The following PLXDC1 variants were observed in gnomAD, a reference collection of about 807,000 sequenced individuals.
PLXDC1 encodes plexin domain containing 1, also known as plexin domain-containing protein 1.
In PLXDC1, 39 loss-of-function variants were observed where a neutral mutation model predicts 61.3. The ratio of observed to expected loss-of-function variants is 0.64; its 90% CI spans 0.49 to 0.83. PLXDC1 has a LOEUF of 0.83. Ranked by LOEUF, PLXDC1 falls within the 40% of genes least tolerant of loss-of-function variation. PLXDC1 has a pLI of 0.00. For missense variants in PLXDC1, 596 were observed against 666.5 expected, an observed-to-expected ratio of 0.89 and a Z score of 1.17; for synonymous variants, 212 against 254.5, an observed-to-expected ratio of 0.83 and a Z score of 1.59.
At chr17:39,141,325 G>A (rs71369718) in intron 1 of PLXDC1, among the ~76,000 whole-genome samples, 3,001 of 152,320 alleles carry the variant, frequency 0.02, 93 homozygotes, top group African/African-American at 0.068. Context: ...GAGCCACAGC[G>A]CGCAGCCTGT....
At chr17:39,106,196 AC>A (rs1239797707) in intron 6 of PLXDC1, among the ~76,000 whole-genome samples, 1 of 150,072 alleles carries the variant, frequency 6.7e-6, no homozygotes, top group African/African-American at 2.5e-5. Context: ...CCCGGGACAT[AC>A]CCTTTTCCCT....
At chr17:39,069,831 C>A in intron 13 of PLXDC1, 25 bp downstream of exon 13, 1 of 1,600,764 alleles carries the variant, frequency 6.2e-7, no homozygotes, top group Non-Finnish European at 8.6e-7. Flanking sequence ...CAGACAGGAG[C>A]CCTGTGGCCA....
At chr17:39,095,912 GCCTCGGC>G (rs1910177268) in intron 7 of PLXDC1, among the ~76,000 whole-genome samples, 1 of 152,082 alleles carries the variant, frequency 6.6e-6, no homozygotes, top group African/African-American at 2.4e-5. Context: ...CGATCCACCC[GCCTCGGC>G]CTCTCAAAGT....
intron 7 of PLXDC1, chr17:39,097,057 C>G (rs1910235716): frequency 4.3e-6 from 2 of 468,202 alleles, no homozygotes; most frequent in Admixed American, 4.7e-5. Context: ...AGGAGTGAGG[C>G]TGTGAGGAGT....
intron 2 of PLXDC1, among the ~76,000 whole-genome samples, chr17:39,116,770 G>T: frequency 6.6e-6 from 1 of 152,362 alleles, no homozygotes; most frequent in Admixed American, 6.5e-5. Context: ...GATGATCCTC[G>T]TGTCATCAGG....
chr17:39,072,717 G>C, intron 11 of PLXDC1: 1 of 558,820 alleles, frequency 1.8e-6, no homozygotes. Context: ...GTGGAGGGCC[G>C]GCTGCCTGGA....
At position 39,130,814 on chromosome 17, in the gene PLXDC1, G is replaced by A. The variant is rs138862185; in HGVS notation, c.255+8840C>T. Reference sequence around the variant, plus strand: ...TGACCTCAAATGATCCACCCAACTCGGCCTCCCAAAGTGCTGGGATTACAG... The same window carrying A: ...TGACCTCAAATGATCCACCCAACTCAGCCTCCCAAAGTGCTGGGATTACAG... On this transcript the variant is annotated intron_variant, in intron 2 of 13. Transcript: ENST00000315392. 1.3e-4 allele frequency among the ~76,000 whole-genome samples: 20 copies of A among 152,048 alleles called. No individual in the cohort carries two copies. The East Asian group carries it at 2.5e-3, about 19-fold the overall frequency.
intron 7 of PLXDC1, among the ~76,000 whole-genome samples, chr17:39,095,375 C>CCACCT (rs1290036282): frequency 9.6e-5 from 1 of 10,450 alleles, no homozygotes; most frequent in African/African-American, 3.6e-4. Flanking sequence ...CCGCCCCCCC[C>CCACCT]CCCCAACCCC....
At chr17:39,085,857 G>A (rs1909721318) in intron 8 of PLXDC1, among the ~76,000 whole-genome samples, 1 of 152,120 alleles carries the variant, frequency 6.6e-6, no homozygotes, top group African/African-American at 2.4e-5. Flanking sequence ...TTCACCAGCT[G>A]CTTCCAGGTG....
intron 6 of PLXDC1, among the ~76,000 whole-genome samples, chr17:39,106,985 G>A (rs752134169): frequency 5.3e-5 from 8 of 152,154 alleles, no homozygotes; most frequent in Middle Eastern, 6.8e-3. Context: ...TGTGCCAGCC[G>A]TGCTCTGTCC....
intron 2 of PLXDC1, among the ~76,000 whole-genome samples, chr17:39,132,392 C>T (rs1351995873): frequency 3.9e-5 from 6 of 152,060 alleles, no homozygotes; most frequent in Admixed American, 6.6e-5. Context: ...GTCCCCGAAA[C>T]GCCCAGTGTC....
chr17:39,104,003 C>T (rs773070625), intron 7 of PLXDC1, among the ~76,000 whole-genome samples: 6 of 152,136 alleles, frequency 3.9e-5, no homozygotes, highest in Admixed American at 1.3e-4. Flanking sequence ...AGTGCTGTGG[C>T]GGCATCTGAC....
In PLXDC1 at chr17:39,145,648, G is replaced by GAGGGA. The variant is rs537983892; in HGVS notation, c.76+5709_76+5713dup. On this transcript the variant is annotated intron_variant, in intron 1 of 13. Coordinates refer to ENST00000315392, the MANE Select transcript of PLXDC1 (RefSeq NM_020405.5). ...GAAGAGAAAGGAGGCGAGGGGAGGGGAGGGAAGGGAGAGCATCTTTAAATG... is the reference window on the plus strand; with the variant it reads ...GAAGAGAAAGGAGGCGAGGGGAGGGGAGGGAAGGGAAGGGAGAGCATCTTTAAATG... 2.2e-4 allele frequency among the ~76,000 whole-genome samples: 34 copies of GAGGGA among 152,314 alleles called. No individual in the cohort carries two copies. The East Asian group carries it at 4.8e-3, about 22-fold the overall frequency.
chr17:39,073,585 C>T (rs1052639604), intron 11 of PLXDC1, among the ~76,000 whole-genome samples: 7 of 152,334 alleles, frequency 4.6e-5, no homozygotes, highest in East Asian at 3.9e-4. Flanking sequence ...ACTGTGCCCA[C>T]GCAGCCTCTC....
Position 39,107,496 on chromosome 17 carries a change from C to CGT in PLXDC1, c.620_621dup (p.Val208ThrfsTer55). On this transcript the variant is annotated frameshift_variant, in exon 6 of 14. Coordinates refer to ENST00000315392, the MANE Select transcript of PLXDC1 (RefSeq NM_020405.5). LOFTEE classifies it high-confidence loss of function. ...TTGTCTTCCCAGCCTTGGAGATAAA[C>CGT]GTGGTCCCACTGAACCACAAAGACT... The CGT allele has an allele frequency of 1.2e-6, 2 of 1,613,910 alleles. No individual in the cohort carries two copies. The highest frequency in any genetic ancestry group is 1.7e-6 in the Non-Finnish European group (2 of 1,179,804).
intron 1 of PLXDC1, among the ~76,000 whole-genome samples, chr17:39,146,272 T>A (rs1357560934): frequency 1.3e-5 from 2 of 152,114 alleles, no homozygotes; most frequent in Non-Finnish European, 2.9e-5. Context: ...GGTTTCACCA[T>A]GTTGGCCAGG....
chr17:39,127,354 A>G (rs1444443971), intron 2 of PLXDC1, among the ~76,000 whole-genome samples: 2 of 152,022 alleles, frequency 1.3e-5, no homozygotes, highest in Non-Finnish European at 2.9e-5. Context: ...CCATCCTGGG[A>G]AACCCGGGAT....
At chr17:39,108,042 C>T (rs185259658) in intron 5 of PLXDC1, 81 bp downstream of exon 5, 1 of 1,571,436 alleles carries the variant, frequency 6.4e-7, no homozygotes, top group East Asian at 2.2e-5. Flanking sequence ...CCCTTGCCCT[C>T]TCTAGGCCCT....
chr17:39,145,374 A>G (rs547919525), intron 1 of PLXDC1, among the ~76,000 whole-genome samples: 281 of 152,310 alleles, frequency 1.8e-3, no homozygotes, highest in African/African-American at 6.5e-3. Context: ...GTGCGGCCCC[A>G]GAGCCTGGGC....
Sources: allele counts gnomAD v4.1 joint callset (sites outside exome capture counted in the v4.1 genomes callset), GRCh38; gene constraint gnomAD v4.1.1; transcripts MANE v1.5; gene names NCBI Gene and HGNC (gene_info 2026-07-23, HGNC 2026-07-21).